Variants in TUSC3 observed in about 807,000 individuals in gnomAD.
The protein encoded by TUSC3 is tumor suppressor candidate 3.
In TUSC3, 45 loss-of-function variants were observed where a neutral mutation model predicts 44.8. The ratio of observed to expected loss-of-function variants is 1.00; its 90% CI spans 0.79 to 1.29. The LOEUF (loss-of-function observed/expected upper bound fraction) is 1.29, where lower values mean the gene tolerates loss of function less well. TUSC3 is among the 50% of genes most tolerant of loss of function. TUSC3 has a pLI of 0.00. For missense variants in TUSC3, 519 were observed against 437.9 expected, an observed-to-expected ratio of 1.19 and a Z score of -1.65; for synonymous variants, 212 against 152.9, an observed-to-expected ratio of 1.39 and a Z score of -2.85.
chr8:15,747,480 C>T (rs574990069), intron 8 of TUSC3, among the ~76,000 whole-genome samples: 67 of 151,814 alleles, frequency 4.4e-4, no homozygotes, highest in African/African-American at 1.1e-3. Context: ...TTATTCTAAA[C>T]GTACTTTAAT....
chr8:15,838,343 T>C, the TUSC3 span, among the ~76,000 whole-genome samples: 1 of 152,192 alleles, frequency 6.6e-6, no homozygotes, highest in Non-Finnish European at 1.5e-5. Context: ...AAATACTTTG[T>C]CATTCAGAGT....
rs758240606 is a variant in TUSC3 at position 15,764,955 on chromosome 8, A to G, written c.*799A>G. The G allele has an allele frequency of 1.3e-5, 2 of 152,026 alleles. No homozygotes were observed. Among genetic ancestry groups the G allele is most frequent in the South Asian group, 2.1e-4 (1 of 4,836 alleles). The allele number at this position is 152,026 out of a possible 1,614,324, so 9.4% of individuals were successfully genotyped here. A position where few individuals can be genotyped will look rare whatever the true frequency, so the allele number is the denominator to read the frequency against. On this transcript the variant is annotated 3_prime_UTR_variant, in exon 11 of 11. Transcript: ENST00000503731. Reference sequence around the variant, plus strand: ...CATTTTCGAGCAAACCTAACCCACTATATCCATTTTGCTCATGTGTTTTAT... The same window carrying G: ...CATTTTCGAGCAAACCTAACCCACTGTATCCATTTTGCTCATGTGTTTTAT...
At chr8:15,453,555 T>G (rs974527798) in intron 1 of TUSC3, among the ~76,000 whole-genome samples, 1 of 152,248 alleles carries the variant, frequency 6.6e-6, no homozygotes, top group Non-Finnish European at 1.5e-5. Context: ...TTCTCCCATC[T>G]AGCTGCAGTT....
intron 9 of TUSC3, 32 bp from the exon 10 acceptor site, chr8:15,757,759 A>T (rs374289292): frequency 6.8e-7 from 1 of 1,474,262 alleles, no homozygotes; most frequent in East Asian, 2.3e-5. Context: ...TTTTTTCCAT[A>T]TTGTTGTATT....
In TUSC3 at chr8:15,546,052, G is replaced by A. The variant is rs183229829; in HGVS notation, c.138+5484G>A. Among the ~76,000 whole-genome samples, 11 of 151,890 alleles carry A rather than the reference G, an allele frequency of 7.2e-5. No homozygotes were observed. In the East Asian group the frequency reaches 2.0e-3, roughly 27 times the overall value. ...TGTAGGAATAATGTGTTCCCCAGCT[G>A]GAAAACAAGTACATAAACAAAGGTT... On this transcript the variant is annotated intron_variant, in intron 1 of 10. Transcript: ENST00000503731.
intron 6 of TUSC3, among the ~76,000 whole-genome samples, chr8:15,716,219 G>A (rs1810053412): frequency 6.6e-6 from 1 of 152,148 alleles, no homozygotes; most frequent in African/African-American, 2.4e-5. Context: ...TTGTGCCACT[G>A]CACTCCAGCC....
the TUSC3 span, among the ~76,000 whole-genome samples, chr8:15,801,508 A>G: frequency 2.9e-4 from 40 of 137,044 alleles, no homozygotes; most frequent in Admixed American, 3.6e-4. Flanking sequence ...TAGCCTTGAG[A>G]AAAAAAAAGA....
intron 1 of TUSC3, among the ~76,000 whole-genome samples, chr8:15,566,053 C>T (rs1802657389): frequency 2.0e-5 from 3 of 152,198 alleles, no homozygotes; most frequent in African/African-American, 7.2e-5. Context: ...AGTACATTTT[C>T]CTTGTTTTTT....
At chr8:15,539,662 C>T (rs1437904760), upstream of TUSC3, among the ~76,000 whole-genome samples, 2 of 152,078 alleles carry the variant, frequency 1.3e-5, no homozygotes, top group African/African-American at 4.8e-5. Context: ...TGCTATGGTT[C>T]TTAAAATATT....
At chr8:15,627,647 C>A (rs1238119042) in intron 2 of TUSC3, among the ~76,000 whole-genome samples, 1 of 152,240 alleles carries the variant, frequency 6.6e-6, no homozygotes, top group African/African-American at 2.4e-5. Context: ...TTTCTGGTGT[C>A]TCCAAGCTTC....
intron 1 of TUSC3, among the ~76,000 whole-genome samples, chr8:15,573,226 ATAT>A (rs1403381731): frequency 2.3e-5 from 3 of 132,698 alleles, no homozygotes; most frequent in African/African-American, 9.0e-5. Flanking sequence ...ATATATATAT[ATAT>A]AAAAGTTTTT....
At chr8:15,813,551 C>T in the TUSC3 span, among the ~76,000 whole-genome samples, 1 of 151,978 alleles carries the variant, frequency 6.6e-6, no homozygotes, top group South Asian at 2.1e-4. Context: ...TGGGAAGATA[C>T]TGTAAATTTT....
At chr8:15,700,154 A>C (rs1237767200) in intron 6 of TUSC3, among the ~76,000 whole-genome samples, 1 of 152,162 alleles carries the variant, frequency 6.6e-6, no homozygotes, top group Non-Finnish European at 1.5e-5. Context: ...TTCAACTCCA[A>C]ATAATCTCTG....
chr8:15,423,117 A>G (rs970470422), intron 1 of TUSC3, among the ~76,000 whole-genome samples: 1 of 152,124 alleles, frequency 6.6e-6, no homozygotes, highest in Non-Finnish European at 1.5e-5. Context: ...AGTGTTTCTT[A>G]GTTTCTTATA....
At chr8:15,659,256 A>G (rs1807312693) in intron 3 of TUSC3, among the ~76,000 whole-genome samples, 1 of 152,142 alleles carries the variant, frequency 6.6e-6, no homozygotes, top group African/African-American at 2.4e-5. Flanking sequence ...CTTACAAAAT[A>G]TACAGAACAT....
chr8:15,635,694 C>T (rs963828841), intron 2 of TUSC3, among the ~76,000 whole-genome samples: 2 of 152,232 alleles, frequency 1.3e-5, no homozygotes, highest in African/African-American at 2.4e-5. Flanking sequence ...AGAACAGATG[C>T]GTATGATGCC....
chr8:15,805,899 A>G, the TUSC3 span, among the ~76,000 whole-genome samples: 1 of 152,154 alleles, frequency 6.6e-6, no homozygotes, highest in Non-Finnish European at 1.5e-5. Context: ...ACCACCTGGT[A>G]CTACCTAGAG....
chr8:15,843,629 CAT>C, the TUSC3 span, among the ~76,000 whole-genome samples: 3 of 142,226 alleles, frequency 2.1e-5, no homozygotes, highest in South Asian at 2.1e-4. Flanking sequence ...TATACACGCA[CAT>C]ACACATATAT....
chr8:15,695,036 C>T (rs1333436516), intron 6 of TUSC3, among the ~76,000 whole-genome samples: 2 of 152,294 alleles, frequency 1.3e-5, no homozygotes, highest in East Asian at 1.9e-4. Flanking sequence ...ATCTTTTGGG[C>T]ATGTGCCCTC....
Sources: gnomAD v4.1 joint callset for allele counts (sites outside exome capture counted in the v4.1 genomes callset) on GRCh38, gnomAD v4.1.1 for gene constraint, MANE v1.5 for transcripts, NCBI Gene and HGNC (gene_info 2026-07-23, HGNC 2026-07-21) for gene names.